The following RUFY3 variants were observed in gnomAD, a reference collection of about 807,000 sequenced individuals.
RUFY3 encodes RUN and FYVE domain containing 3.
A neutral mutation model predicts 84.0 loss-of-function variants in RUFY3; 34 were observed. The observed-to-expected ratio is 0.40, with a 90% CI of 0.31 to 0.54. RUFY3 has a LOEUF of 0.54. RUFY3 is among the 20% of genes least tolerant of loss of function. The pLI, the probability that RUFY3 is intolerant of heterozygous loss-of-function variation, is 0.39. For synonymous variants in RUFY3, 242 were observed against 252.9 expected (o/e 0.96, Z 0.41); for missense variants, 507 against 736.8 (o/e 0.69, Z 3.61).
chr4:70,780,049 CTTCACTTTCGGACAAAAA>C (rs1051410886), intron 8 of RUFY3, among the ~76,000 whole-genome samples: 1 of 152,002 alleles, frequency 6.6e-6, no homozygotes, highest in African/African-American at 2.4e-5. Context: ...ACTCTGTGAC[CTTCACTTTCGGACAAAAA>C]TTTTTAAATT....
intron 5 of RUFY3, among the ~76,000 whole-genome samples, chr4:70,770,203 G>A (rs530310555): frequency 5.4e-4 from 82 of 152,278 alleles, no homozygotes; most frequent in African/African-American, 1.9e-3. Flanking sequence ...TGGTAAATGA[G>A]CACTGGCTTC....
upstream of RUFY3, among the ~76,000 whole-genome samples, chr4:70,717,868 A>T (rs563602047): frequency 7.1e-6 from 1 of 141,408 alleles, no homozygotes; most frequent in Admixed American, 7.2e-5. Flanking sequence ...AAGACTTGAC[A>T]TGGTATTTTT....
chr4:70,753,902 T>C (rs1723549297), intron 1 of RUFY3, among the ~76,000 whole-genome samples: 1 of 152,238 alleles, frequency 6.6e-6, no homozygotes, highest in Non-Finnish European at 1.5e-5. Context: ...GTGAGATTTC[T>C]TGCCTGAAGT....
At chr4:70,743,291 C>T (rs1294880008) in intron 1 of RUFY3, among the ~76,000 whole-genome samples, 3 of 151,916 alleles carry the variant, frequency 2.0e-5, no homozygotes, top group African/African-American at 7.3e-5. Flanking sequence ...AGGCTGGTCT[C>T]GAACTCCTGA....
chr4:70,733,485 C>T (rs1303008534), intron 1 of RUFY3, among the ~76,000 whole-genome samples: 2 of 152,140 alleles, frequency 1.3e-5, no homozygotes, highest in Non-Finnish European at 1.5e-5. Flanking sequence ...TACCAGACAC[C>T]TATCCTAAGG....
At chr4:70,791,507 A>G in intron 12 of RUFY3, 13 of 1,374,304 alleles carry the variant, frequency 9.5e-6, no homozygotes, top group Non-Finnish European at 1.2e-5. Context: ...AAAAATTGGT[A>G]TAAGTTCCTA....
intron 1 of RUFY3, among the ~76,000 whole-genome samples, chr4:70,733,076 AG>A (rs1560463114): frequency 4.9e-4 from 46 of 92,970 alleles, no homozygotes; most frequent in African/African-American, 1.5e-3. Flanking sequence ...CAAAAGAAAG[AG>A]AGAGAGAGAG....
intron 2 of RUFY3, 83 bp from the exon 3 acceptor site, chr4:70,763,469 T>TTG (rs1452833067): frequency 1.1e-6 from 1 of 938,734 alleles, no homozygotes; most frequent in Non-Finnish European, 1.6e-6. Flanking sequence ...TCCTGAAAAG[T>TTG]TGTGTGTGTA....
intron 12 of RUFY3, chr4:70,789,953 T>C: frequency 1.0e-6 from 1 of 957,108 alleles, no homozygotes; most frequent in Middle Eastern, 5.3e-4. Context: ...TTATTGTTCA[T>C]CACTGAAGTC....
intron 1 of RUFY3, among the ~76,000 whole-genome samples, chr4:70,750,773 A>G (rs1472702926): frequency 6.6e-6 from 1 of 152,136 alleles, no homozygotes; most frequent in African/African-American, 2.4e-5. Context: ...GGCTTCTTCA[A>G]GTATTTACAT....
At chr4:70,767,032 G>T (rs922919228) in intron 4 of RUFY3, among the ~76,000 whole-genome samples, 4 of 151,802 alleles carry the variant, frequency 2.6e-5, no homozygotes, top group African/African-American at 9.6e-5. Context: ...TTTCAGACTG[G>T]CACCTTTCAC....
chr4:70,793,814 C>T lies in RUFY3; in HGVS notation c.1367C>T (p.Ser456Phe), dbSNP rs1203455421. The change falls in exon 13 of 18, where the codon TCT becomes TTT. Residue 456 changes from serine to phenylalanine, a missense_variant. By Grantham distance (155) the Ser-to-Phe change is radical. Transcript: ENST00000381006. The stretch of plus-strand genomic sequence containing the variant: ...CGCCAGGCTGAGCGAAGCCGCCAAT[C>T]TGCTGAGTTGGACAACCGGCTCTTC... ...RLRQAERSRQ[S>F]AELDNRLFKQ... 1.2e-6 allele frequency: 2 copies of T among 1,614,110 alleles called. No individual in the cohort carries two copies. Among genetic ancestry groups the T allele is most frequent in the East Asian group, 2.2e-5 (1 of 44,878 alleles).
chr4:70,744,209 A>G (rs915145349), intron 1 of RUFY3, among the ~76,000 whole-genome samples: 4 of 151,706 alleles, frequency 2.6e-5, no homozygotes, highest in African/African-American at 9.7e-5. Context: ...ATTTTATTTT[A>G]TTTTTTTGAG....
intron 1 of RUFY3, among the ~76,000 whole-genome samples, chr4:70,749,724 A>G (rs1722824796): frequency 6.8e-6 from 1 of 147,912 alleles, no homozygotes; most frequent in Admixed American, 6.8e-5. Context: ...GGCACAGCTC[A>G]CTGTAGCTTA....
chr4:70,781,232 C>A (rs1004164790), intron 8 of RUFY3, among the ~76,000 whole-genome samples: 5 of 152,178 alleles, frequency 3.3e-5, no homozygotes, highest in African/African-American at 1.2e-4. Flanking sequence ...CACCTGTAAT[C>A]CCAGCCCTTT....
chr4:70,705,160 C>A (rs1422212522), exon 1 of RUFY3: 8 of 1,458,382 alleles, frequency 5.5e-6, no homozygotes, highest in Non-Finnish European at 7.2e-6. Context: ...GATGGAGGCG[C>A]CGGCTTCGGA....
chr4:70,755,771 G>T (rs1034455009), intron 1 of RUFY3, among the ~76,000 whole-genome samples: 1 of 152,060 alleles, frequency 6.6e-6, no homozygotes, highest in African/African-American at 2.4e-5. Context: ...CTAACACAGT[G>T]AAACTCCGTA....
intron 9 of RUFY3, among the ~76,000 whole-genome samples, chr4:70,784,477 C>T (rs776167558): frequency 1.3e-4 from 19 of 150,910 alleles, no homozygotes; most frequent in Non-Finnish European, 1.9e-4. Flanking sequence ...AGTGAGACTC[C>T]GTCTCAAAAA....
At position 70,806,638 on chromosome 4, in the gene RUFY3, A is replaced by G. The variant is rs748020241; in HGVS notation, c.1842A>G (p.Gln614=). Residue 614 remains glutamine (Q), a synonymous_variant, in exon 18 of 18, where the codon CAA becomes CAG. Transcript: ENST00000381006. ...CNPCHKHLMK[Q]YSTSPS is the part of the protein sequence containing the mutation. ...CCTGTCACAAGCATCTGATGAAGCA[A>G]TATTCTACCAGCCCATCATAAGACT... 7.4e-6 allele frequency: 12 copies of G among 1,614,008 alleles called. No homozygotes were observed. Among genetic ancestry groups the G allele is most frequent in the Admixed American group, 3.3e-5 (2 of 59,988 alleles).
Sources: allele counts gnomAD v4.1 joint callset (sites outside exome capture counted in the v4.1 genomes callset), GRCh38; gene constraint gnomAD v4.1.1; transcripts MANE v1.5; gene names NCBI Gene and HGNC (gene_info 2026-07-23, HGNC 2026-07-21).